ATG7: variants seen among roughly 807,000 people sequenced by gnomAD.
The protein encoded by ATG7 is autophagy related 7, also known as ubiquitin-like modifier-activating enzyme ATG7.
In ATG7, 70 loss-of-function variants were observed where a neutral mutation model predicts 82.4. The observed-to-expected ratio is 0.85, with a 90% CI of 0.70 to 1.04. The LOEUF is 1.04. ATG7 is among the 50% of genes least tolerant of loss of function. ATG7 has a pLI of 0.00. For synonymous variants in ATG7, 287 were observed against 313.0 expected, an observed-to-expected ratio of 0.92 and a Z score of 0.88; for missense variants, 792 against 864.3, an observed-to-expected ratio of 0.92 and a Z score of 1.05.
chr3:11,477,929 A>C (rs1407258046), intron 20 of ATG7, among the ~76,000 whole-genome samples: 1 of 152,186 alleles, frequency 6.6e-6, no homozygotes, highest in Non-Finnish European at 1.5e-5. Flanking sequence ...TTCTTAGCTT[A>C]ACTCCAGTGG....
In ATG7 at chr3:11,556,995, CTG is replaced by C. The variant is rs1483264797; in HGVS notation, c.*2154_*2155del. 2 of 152,618 alleles carry C rather than the reference CTG, an allele frequency of 1.3e-5. No homozygotes were observed. Among genetic ancestry groups the C allele is most frequent in the African/African-American group, 4.8e-5 (2 of 41,470 alleles). 9.5% of individuals were successfully genotyped at this position (152,618 alleles called of 1,614,324 possible). A position where few individuals can be genotyped will look rare whatever the true frequency, so the allele number is the denominator to read the frequency against. ...ATTTCCAAAATTCAACAGCTAAAAACTGTAAAACCGGGGGTCATACGGTGTGC... is the reference window on the plus strand; with the variant it reads ...ATTTCCAAAATTCAACAGCTAAAAACTAAAACCGGGGGTCATACGGTGTGC... On this transcript the variant is annotated 3_prime_UTR_variant, in exon 21 of 21. Coordinates refer to ENST00000693202, the MANE Select transcript of ATG7 (RefSeq NM_001349232.2).
intron 3 of ATG7, among the ~76,000 whole-genome samples, chr3:11,283,583 G>T (rs1943437865): frequency 6.6e-6 from 1 of 152,100 alleles, no homozygotes; most frequent in South Asian, 2.1e-4. Flanking sequence ...ATAAAGACCT[G>T]ATTCCTGACT....
intron 20 of ATG7, among the ~76,000 whole-genome samples, chr3:11,486,544 A>G (rs9681408): frequency 0.74 from 110,226 of 148,408 alleles, 41,765 homozygotes; most frequent in East Asian, 0.97. Flanking sequence ...TCTCCTGCCT[A>G]ATTACCCTGG....
intron 20 of ATG7, among the ~76,000 whole-genome samples, chr3:11,507,624 A>G (rs1448997395): frequency 6.6e-6 from 1 of 152,166 alleles, no homozygotes; most frequent in South Asian, 2.1e-4. Flanking sequence ...TGCTAAAGTT[A>G]TGGGTGTTTT....
intron 1 of ATG7, among the ~76,000 whole-genome samples, chr3:11,280,743 T>C (rs991108969): frequency 2.6e-5 from 4 of 152,226 alleles, no homozygotes; most frequent in African/African-American, 9.6e-5. Context: ...AAGAATACTT[T>C]ATTGAATATG....
chr3:11,522,941 G>C (rs2092479586), intron 20 of ATG7, among the ~76,000 whole-genome samples: 1 of 152,142 alleles, frequency 6.6e-6, no homozygotes, highest in Admixed American at 6.6e-5. Flanking sequence ...ATGACCTCAA[G>C]CCACTTGCTT....
intron 20 of ATG7, among the ~76,000 whole-genome samples, chr3:11,493,097 G>A (rs1185152332): frequency 6.6e-6 from 1 of 152,224 alleles, no homozygotes; most frequent in Non-Finnish European, 1.5e-5. Context: ...AAAAAAGAAT[G>A]AGGTCACGTA....
At chr3:11,315,095 G>C (rs1330040733) in intron 8 of ATG7, among the ~76,000 whole-genome samples, 1 of 152,122 alleles carries the variant, frequency 6.6e-6, no homozygotes, top group Non-Finnish European at 1.5e-5. Flanking sequence ...ACAGCTTAGG[G>C]AACTACCATG....
chr3:11,359,424 G>C (rs979084095), intron 15 of ATG7, among the ~76,000 whole-genome samples: 14 of 152,112 alleles, frequency 9.2e-5, no homozygotes, highest in Non-Finnish European at 2.1e-4. Flanking sequence ...AAATTTATGT[G>C]TTGGGCTGGA....
chr3:11,328,950 C>T lies in ATG7; in HGVS notation c.679-2390C>T, dbSNP rs1010762075. ...GAAAAAATACAAAAAATTAGCAGGG[C>T]GTGGTAACACATGCCTGTCTGTAGT... On this transcript the variant is annotated intron_variant, in intron 9 of 20. Transcript: ENST00000693202. 2.6e-5 allele frequency among the ~76,000 whole-genome samples: 4 copies of T among 152,058 alleles called. No individual in the cohort carries two copies. The East Asian group carries it at 5.8e-4, about 22-fold the overall frequency.
At chr3:11,298,968 C>T in intron 4 of ATG7, 113 bp downstream of exon 4, 1 of 1,160,468 alleles carries the variant, frequency 8.6e-7, no homozygotes, top group Admixed American at 2.5e-5. Flanking sequence ...AATCAGTGCT[C>T]TTCACTAGTT....
chr3:11,506,982 T>C (rs1455860401), intron 20 of ATG7, among the ~76,000 whole-genome samples: 1 of 151,858 alleles, frequency 6.6e-6, no homozygotes, highest in Non-Finnish European at 1.5e-5. Context: ...ACTAATGCTT[T>C]TAAATGTGCA....
chr3:11,400,503 G>C (rs906095209), intron 19 of ATG7, among the ~76,000 whole-genome samples: 21 of 152,284 alleles, frequency 1.4e-4, no homozygotes, highest in Admixed American at 1.3e-3. Flanking sequence ...AGACTACTGG[G>C]AATAACGTTG....
chr3:11,568,512 T>G, the ATG7 span: 2 of 1,498,204 alleles, frequency 1.3e-6, no homozygotes, highest in Non-Finnish European at 1.8e-6. The surrounding 1 kb of genome is among the most constrained non-coding windows in gnomAD (Gnocchi z 5.9). Context: ...CACAGCACAG[T>G]GGGCACTATG....
chr3:11,297,459 C>G lies in ATG7; in HGVS notation c.-10-1227C>G, dbSNP rs1048923443. On this transcript the variant is annotated intron_variant, in intron 3 of 20. Transcript: ENST00000693202. ...AGAATGGAAAGTGAAGGGACCTTAT[C>G]AATTTGCTTTTTGGAGCTGCCAGAT... is the stretch of plus-strand genomic sequence containing the variant. Among the ~76,000 whole-genome samples the G allele has an allele frequency of 5.0e-4, 76 of 152,264 alleles. 1 individual carries two copies. The highest frequency in any genetic ancestry group is 1.7e-3 in the African/African-American group (70 of 41,546).
chr3:11,342,115 G>A lies in ATG7; in HGVS notation c.981-20G>A. 4 of 1,602,676 alleles carry A rather than the reference G, an allele frequency of 2.5e-6. No individual in the cohort carries two copies. Among genetic ancestry groups the A allele is most frequent in the Non-Finnish European group, 3.4e-6 (4 of 1,175,718 alleles). On this transcript the variant is annotated intron_variant, in intron 12 of 20. Transcript: ENST00000693202. ...ATTGCATAAAGGAGTGACTGAATAA[G>A]TAAATCTCTCCTTTTCTAGGTTAGC...
rs1410536053 is a variant in ATG7, at chr3:11,427,243, T to G, written c.2079+317T>G. Among the ~76,000 whole-genome samples, 11 of 152,206 alleles carry G rather than the reference T, an allele frequency of 7.2e-5. 1 individual carries two copies. The highest frequency in any genetic ancestry group is 2.9e-5 in the Non-Finnish European group (2 of 68,028). On this transcript the variant is annotated intron_variant, in intron 20 of 20. Coordinates refer to ENST00000693202, the MANE Select transcript of ATG7 (RefSeq NM_001349232.2). ...TATGACCATTGGAGAGAGTTGGCTT[T>G]AATGTCCATATATCAAAATGTAAGT...
At chr3:11,288,791 G>C (rs1290749450) in intron 3 of ATG7, 1 of 152,154 alleles carries the variant, frequency 6.6e-6, no homozygotes, top group Non-Finnish European at 1.5e-5. Context: ...TGCTGAGTGT[G>C]ACTGAGTTTT....
chr3:11,502,484 T>G (rs1358772676), intron 20 of ATG7, among the ~76,000 whole-genome samples: 2 of 149,340 alleles, frequency 1.3e-5, no homozygotes, highest in African/African-American at 4.9e-5. Flanking sequence ...GTTTGGTTTT[T>G]TGTTCTTGCG....
Sources: allele counts gnomAD v4.1 joint callset (sites outside exome capture counted in the v4.1 genomes callset), GRCh38; gene constraint gnomAD v4.1.1; non-coding constraint Gnocchi (gnomAD v3.1); transcripts MANE v1.5; gene names NCBI Gene and HGNC (gene_info 2026-07-23, HGNC 2026-07-21).